Variants in CMA1 observed in about 807,000 individuals in gnomAD.
CMA1 encodes chymase 1.
In CMA1, 24 loss-of-function variants were observed where a neutral mutation model predicts 18.8. The observed-to-expected ratio is 1.28, with a 90% CI of 0.92 to 1.80. CMA1 has a LOEUF of 1.80. Among genes scored for constraint, CMA1 ranks in the 40% most tolerant of loss-of-function variants. The pLI is 0.00. For synonymous variants in CMA1, 152 were observed against 117.0 expected, an observed-to-expected ratio of 1.30 and a Z score of -1.93; for missense variants, 421 against 302.8, an observed-to-expected ratio of 1.39 and a Z score of -2.90.
rs761088628 is a variant in CMA1, at chr14:24,507,363, C to T, written c.202G>A (p.Ala68Thr). Reference protein sequence around the residue: ...RNFVLTAAHCAGRSITVTLGA... With the variant: ...RNFVLTAAHCTGRSITVTLGA... ...TAGACCCTGTTGTCTCACCTTCCTG[C>T]ACAATGAGCAGCCGTCAGCACAAAG... The change falls in exon 2 of 5, where the codon GCA (alanine) becomes ACA (threonine). Residue 68 changes from alanine (A) to threonine (T), a missense_variant. Coordinates refer to ENST00000250378, the MANE Select transcript of CMA1 (RefSeq NM_001836.5). 6.2e-7 allele frequency: 1 copy of T among 1,614,132 alleles called. No homozygotes were observed. The highest frequency in any genetic ancestry group is 8.5e-7 in the Non-Finnish European group (1 of 1,180,008).
chr14:24,505,419 T>C lies in CMA1; in HGVS notation c.*97A>G. 1 of 1,514,338 alleles carries C rather than the reference T, an allele frequency of 6.6e-7. No homozygotes were observed. Among genetic ancestry groups the C allele is most frequent in the Non-Finnish European group, 9.1e-7 (1 of 1,093,076 alleles). The allele number at this position is 1,514,338 out of a possible 1,614,324, so 93.8% of individuals were successfully genotyped here. On this transcript the variant is annotated 3_prime_UTR_variant, in exon 5 of 5. Coordinates refer to ENST00000250378, the MANE Select transcript of CMA1 (RefSeq NM_001836.5). ...GGATACTTCTGGAGGCTTAGGGTTGTGGCTGAGGGACCAAGGGTAGACCAG... is the reference window on the plus strand; with the variant it reads ...GGATACTTCTGGAGGCTTAGGGTTGCGGCTGAGGGACCAAGGGTAGACCAG...
rs745429348 is a variant in CMA1 at position 24,505,608 on chromosome 14, A to C, written c.652T>G (p.Ser218Ala). 15 of 1,613,760 alleles carry C rather than the reference A, an allele frequency of 9.3e-6. 2 individuals are homozygous for C. The South Asian group carries it at 1.5e-4, about 17-fold the overall frequency. The change falls in exon 5 of 5, where the codon TCC becomes GCC. Residue 218 changes from serine (S) to alanine (A), a missense_variant. Coordinates refer to ENST00000250378, the MANE Select transcript of CMA1 (RefSeq NM_001836.5). ...GGCTTTGCATCCGACCGTCCATAGG[A>C]TACGATGCCCTGGGCCACCCCAGCA... ...LCAGVAQGIV[S>A]YGRSDAKPPA...
intron 2 of CMA1, 149 bp downstream of exon 2, chr14:24,507,207 A>T (rs1023241073): frequency 7.8e-6 from 7 of 901,860 alleles, no homozygotes; most frequent in Non-Finnish European, 1.2e-5. Context: ...ATTCAAACAC[A>T]GACTAAAGTC....
At chr14:24,506,640 G>A in intron 2 of CMA1, 36 bp from the exon 3 acceptor site, 3 of 1,610,014 alleles carry the variant, frequency 1.9e-6, no homozygotes, top group South Asian at 1.1e-5. Flanking sequence ...AGGAGCGACA[G>A]TGATGGCTTG....
chr14:24,505,747 A>G, intron 4 of CMA1, 88 bp from the exon 5 acceptor site: 1 of 1,492,700 alleles, frequency 6.7e-7, no homozygotes, highest in Non-Finnish European at 9.0e-7. Flanking sequence ...AGTGAGACCT[A>G]AAGTCAGACG....
intron 3 of CMA1, 80 bp from the exon 4 acceptor site, chr14:24,506,362 T>C (rs973141569): frequency 6.3e-7 from 1 of 1,589,838 alleles, no homozygotes; most frequent in Non-Finnish European, 8.6e-7. Flanking sequence ...ACAGGGTGAG[T>C]AGCTTCATGT....
chr14:24,506,160 C>A lies in CMA1; in HGVS notation c.468G>T (p.Lys156Asn), dbSNP rs143901910. 5.6e-6 allele frequency: 9 copies of A among 1,614,198 alleles called. No individual in the cohort carries two copies. Among genetic ancestry groups the A allele is most frequent in the Non-Finnish European group, 7.6e-6 (9 of 1,180,042 alleles). ...CCTCTTGCAGAGTGTCTGAGCCCGGCTTCAACACACCTGTTCTTCCCCAGC... is the reference window on the plus strand; with the variant it reads ...CCTCTTGCAGAGTGTCTGAGCCCGGATTCAACACACCTGTTCTTCCCCAGC... Reference protein sequence around the residue: ...VAGWGRTGVLKPGSDTLQEVK... With the variant: ...VAGWGRTGVLNPGSDTLQEVK... Residue 156 changes from lysine (K) to asparagine (N), a missense_variant, in exon 4 of 5, where the codon AAG becomes AAT. By Grantham distance (94) the Lys-to-Asn change is moderately conservative. Coordinates refer to ENST00000250378, the MANE Select transcript of CMA1 (RefSeq NM_001836.5).
In CMA1 at chr14:24,506,089, T is replaced by C. The variant is rs1394578015; in HGVS notation, c.539A>G (p.Asp180Gly). 1.9e-6 allele frequency: 3 copies of C among 1,614,192 alleles called. No homozygotes were observed. The highest frequency in any genetic ancestry group is 1.7e-5 in the Admixed American group (1 of 60,016). Residue 180 changes from aspartate (D) to glycine (G), a missense_variant, in exon 4 of 5, where the codon GAC becomes GGC. Physicochemically the swap from Asp to Gly is moderately conservative, Grantham distance 94. Transcript: ENST00000250378. The part of the protein sequence containing the change: ...MDPQACSHFR[D>G]FDHNLQLCVG... The stretch of plus-strand genomic sequence containing the variant: ...ACACAGCTGAAGATTGTGGTCAAAG[T>C]CTCTGAAGTGGCTGCAGGCCTGGGG...
rs549266517 is a variant in CMA1 at position 24,507,456 on chromosome 14, C to T, written c.109G>A (p.Ala37Thr). ...ECKPHSRPYM[A>T]YLEIVTSNGP... ...TTGGAAGTTACAATTTCCAGGTAGG[C>T]CATGTAGGGGCGGGAATGTGGCTTG... The change falls in exon 2 of 5, where the codon GCC becomes ACC. Residue 37 changes from alanine (A) to threonine (T), a missense_variant. Coordinates refer to ENST00000250378, the MANE Select transcript of CMA1 (RefSeq NM_001836.5). The T allele has an allele frequency of 1.2e-6, 2 of 1,614,028 alleles. No individual in the cohort carries two copies. The highest frequency in any genetic ancestry group is 1.7e-6 in the Non-Finnish European group (2 of 1,180,040).
Position 24,506,230 on chromosome 14 carries a change from G to A in CMA1, c.398C>T (p.Ser133Phe), listed in dbSNP as rs1226223429. Residue 133 changes from serine to phenylalanine, a missense_variant, in exon 4 of 5, where the codon TCC (serine) becomes TTC (phenylalanine). Coordinates refer to ENST00000250378, the MANE Select transcript of CMA1 (RefSeq NM_001836.5). ...CCCAGGTGGGACAAAGTTGAATTGG[G>A]ATGGGAAGGGGAGTGTCCCCACAGC... is the stretch of plus-strand genomic sequence containing the variant. ...TLAVGTLPFP[S>F]QFNFVPPGRM... 1.2e-6 allele frequency: 2 copies of A among 1,614,170 alleles called. No individual in the cohort carries two copies. The highest frequency in any genetic ancestry group is 1.7e-5 in the Admixed American group (1 of 60,024).
At chr14:24,506,907 C>G (rs891124106) in intron 2 of CMA1, among the ~76,000 whole-genome samples, 16 of 152,158 alleles carry the variant, frequency 1.1e-4, no homozygotes, top group African/African-American at 3.9e-4. Flanking sequence ...TGAGGGCCAG[C>G]CCCTGAAGCA....
rs1430013155 is a variant in CMA1 at position 24,507,423 on chromosome 14, A to C, written c.142T>G (p.Ser48Ala). 1 of 1,614,140 alleles carries C rather than the reference A, an allele frequency of 6.2e-7. No homozygotes were observed. The highest frequency in any genetic ancestry group is 1.7e-5 in the Admixed American group (1 of 60,024). Residue 48 changes from serine (S) to alanine (A), a missense_variant, in exon 2 of 5, where the codon TCA becomes GCA. Ser to Ala is a moderately conservative substitution (Grantham distance 99, BLOSUM62 1). Transcript: ENST00000250378. ...YLEIVTSNGPSKFCGGFLIRR... is the reference protein window; with the variant it reads ...YLEIVTSNGPAKFCGGFLIRR... ...ATAAGGAAACCACCACAAAATTTTG[A>C]GGGACCGTTGGAAGTTACAATTTCC...
Position 24,506,556 on chromosome 14 carries a change from G to A in CMA1, c.258C>T (p.Asp86=), listed in dbSNP as rs772646026. 1.9e-6 allele frequency: 3 copies of A among 1,614,008 alleles called. No homozygotes were observed. Among genetic ancestry groups the A allele is most frequent in the Admixed American group, 1.7e-5 (1 of 60,000 alleles). Residue 86 remains aspartate (D), a synonymous_variant, in exon 3 of 5, where the codon GAC becomes GAT. Transcript: ENST00000250378. ...TTATAACCTCAAGCTTCTGCCATGTGTCTTCTTCCTCTGTTATGTTATGGG... is the reference window on the plus strand; with the variant it reads ...TTATAACCTCAAGCTTCTGCCATGTATCTTCTTCCTCTGTTATGTTATGGG... The part of the protein sequence containing the change: ...LGAHNITEEE[D]TWQKLEVIKQ...
chr14:24,506,424 C>T, intron 3 of CMA1, 45 bp downstream of exon 3: 1 of 1,610,844 alleles, frequency 6.2e-7, no homozygotes, highest in Non-Finnish European at 8.5e-7. Context: ...GAAGGAGAAG[C>T]TTAGGAGAAT....
chr14:24,506,923 T>C (rs542141717), intron 2 of CMA1, among the ~76,000 whole-genome samples: 1 of 152,342 alleles, frequency 6.6e-6, no homozygotes, highest in Non-Finnish European at 1.5e-5. Context: ...AAGCAGGAGA[T>C]ATCAGTTAAA....
At position 24,507,362 on chromosome 14, in the gene CMA1, G is replaced by T. The variant is rs776027325; in HGVS notation, c.203C>A (p.Ala68Glu). Residue 68 changes from alanine to glutamate, a missense_variant, in exon 2 of 5, where the codon GCA (alanine) becomes GAA (glutamate). By Grantham distance (107) the Ala-to-Glu change is moderately radical (BLOSUM62 -1). Coordinates refer to ENST00000250378, the MANE Select transcript of CMA1 (RefSeq NM_001836.5). ...RNFVLTAAHCAGRSITVTLGA... is the reference protein window; with the variant it reads ...RNFVLTAAHCEGRSITVTLGA... The stretch of plus-strand genomic sequence containing the variant: ...ATAGACCCTGTTGTCTCACCTTCCT[G>T]CACAATGAGCAGCCGTCAGCACAAA... 1.2e-6 allele frequency: 2 copies of T among 1,614,094 alleles called. No homozygotes were observed. The highest frequency in any genetic ancestry group is 3.3e-5 in the Admixed American group (2 of 60,006).
chr14:24,507,548 C>A lies in CMA1; in HGVS notation c.59-42G>T, dbSNP rs756490236. ...CAGGGTTTGAACACGGCCATAGATA[C>A]TCTCTCCAATGAATGGACAAATTGG... On this transcript the variant is annotated intron_variant, in intron 1 of 4. Transcript: ENST00000250378. 1.9e-6 allele frequency: 3 copies of A among 1,584,204 alleles called. No individual in the cohort carries two copies. The East Asian group carries it at 6.7e-5, about 36-fold the overall frequency.
Position 24,505,415 on chromosome 14 carries a change from G to T in CMA1, c.*101C>A. The T allele has an allele frequency of 8.1e-6, 12 of 1,481,672 alleles. No individual in the cohort carries two copies. The highest frequency in any genetic ancestry group is 1.1e-5 in the Non-Finnish European group (12 of 1,064,352). The allele number at this position is 1,481,672 out of a possible 1,614,324, so 91.8% of individuals were successfully genotyped here. A position where few individuals can be genotyped will look rare whatever the true frequency, so the allele number is the denominator to read the frequency against. On this transcript the variant is annotated 3_prime_UTR_variant, in exon 5 of 5. Transcript: ENST00000250378. ...TGTAGGATACTTCTGGAGGCTTAGG[G>T]TTGTGGCTGAGGGACCAAGGGTAGA...
At chr14:24,506,957 G>C (rs1288956683) in intron 2 of CMA1, among the ~76,000 whole-genome samples, 2 of 152,290 alleles carry the variant, frequency 1.3e-5, no homozygotes, top group East Asian at 3.9e-4. Context: ...GTCTCATGTA[G>C]ACCCTGTTCT....
Sources: allele counts gnomAD v4.1 joint callset (sites outside exome capture counted in the v4.1 genomes callset), GRCh38; gene constraint gnomAD v4.1.1; transcripts MANE v1.5; gene names NCBI Gene and HGNC (gene_info 2026-07-23, HGNC 2026-07-21).